Variants in GRID1 observed in about 807,000 individuals in gnomAD.
GRID1 encodes glutamate receptor ionotropic, delta-1.
Under a neutral mutation model 98.0 loss-of-function variants are expected in GRID1, and 28 were observed. The observed-to-expected ratio is 0.29, with a 90% confidence interval of 0.21 to 0.39. The LOEUF (loss-of-function observed/expected upper bound fraction) is 0.39, where lower values mean the gene tolerates loss of function less well. Ranked by LOEUF, GRID1 falls within the 10% of genes least tolerant of loss-of-function variation. The pLI, the probability that GRID1 is intolerant of heterozygous loss-of-function variation, is 1.00. For synonymous variants in GRID1, 553 were observed against 538.5 expected, an observed-to-expected ratio of 1.03 and a Z score of -0.37; for missense variants, 1,111 against 1,340.5, an observed-to-expected ratio of 0.83 and a Z score of 2.67.
chr10:85,964,641 C>A (rs1033527273), intron 4 of GRID1, among the ~76,000 whole-genome samples: 1 of 152,104 alleles, frequency 6.6e-6, no homozygotes, highest in African/African-American at 2.4e-5. Context: ...AAAATTAACT[C>A]CAGATGGATT....
At chr10:85,941,049 AT>A (rs1358890986) in intron 4 of GRID1, among the ~76,000 whole-genome samples, 2 of 152,352 alleles carry the variant, frequency 1.3e-5, no homozygotes, top group East Asian at 3.9e-4. Flanking sequence ...GGACCCACAT[AT>A]ATCAGGTGCT....
chr10:86,134,884 C>T (rs1166114151), intron 4 of GRID1, among the ~76,000 whole-genome samples: 1 of 152,176 alleles, frequency 6.6e-6, no homozygotes, highest in African/African-American at 2.4e-5. Flanking sequence ...ACACCTCTGC[C>T]ATTACAGGTA....
chr10:85,667,193 GGAAGCCC>G lies in GRID1; in HGVS notation c.1998-19803_1998-19797del, dbSNP rs1564553328. Among the ~76,000 whole-genome samples the G allele has an allele frequency of 2.0e-5, 3 of 152,158 alleles. No individual in the cohort carries two copies. The East Asian group carries it at 5.8e-4, about 29-fold the overall frequency. ...AATCTGCACCCACATCTAGCACATG[GGAAGCCC>G]GTCTATTCTTTATCTGCTCTTCTTC... On this transcript the variant is annotated intron_variant, in intron 12 of 15. Coordinates refer to ENST00000327946, the MANE Select transcript of GRID1 (RefSeq NM_017551.3).
chr10:85,979,540 T>C (rs1314088747), intron 4 of GRID1, among the ~76,000 whole-genome samples: 2 of 152,192 alleles, frequency 1.3e-5, no homozygotes, highest in African/African-American at 4.8e-5. Context: ...TCTCTCTGTA[T>C]CTTCACATCA....
chr10:86,057,073 T>C (rs752456204), intron 4 of GRID1, among the ~76,000 whole-genome samples: 16 of 152,174 alleles, frequency 1.1e-4, no homozygotes, highest in Non-Finnish European at 1.9e-4. Flanking sequence ...TAACAAGACA[T>C]GGTCCTGGCC....
chr10:86,124,518 C>T (rs919799341), intron 4 of GRID1, among the ~76,000 whole-genome samples: 1 of 152,196 alleles, frequency 6.6e-6, no homozygotes, highest in African/African-American at 2.4e-5. Flanking sequence ...ATCATTGTCC[C>T]TAACCACTGC....
chr10:86,021,604 C>T (rs1478173486), intron 4 of GRID1, among the ~76,000 whole-genome samples: 2 of 152,016 alleles, frequency 1.3e-5, no homozygotes, highest in East Asian at 3.8e-4. Context: ...CCCTCAGCCC[C>T]CACACATGCA....
At chr10:86,023,878 C>A (rs1190600318) in intron 4 of GRID1, among the ~76,000 whole-genome samples, 2 of 152,180 alleles carry the variant, frequency 1.3e-5, no homozygotes. Context: ...AAGGGCCTCA[C>A]CATGTCTCAC....
At chr10:85,812,730 TTCTC>T (rs3028889) in intron 8 of GRID1, among the ~76,000 whole-genome samples, 14 of 147,952 alleles carry the variant, frequency 9.5e-5, no homozygotes, top group African/African-American at 1.5e-4. Context: ...CAAACAGAAG[TTCTC>T]TCTCTCTCTC....
At chr10:85,921,002 C>G (rs896861097) in intron 4 of GRID1, among the ~76,000 whole-genome samples, 1 of 152,202 alleles carries the variant, frequency 6.6e-6, no homozygotes, top group Non-Finnish European at 1.5e-5. Flanking sequence ...ACCACTGGGC[C>G]CATCTGCCTG....
At chr10:85,951,902 G>A (rs958953747) in intron 4 of GRID1, among the ~76,000 whole-genome samples, 1 of 152,238 alleles carries the variant, frequency 6.6e-6, no homozygotes, top group African/African-American at 2.4e-5. Context: ...CTGTGTTCCT[G>A]GGGGTGAGGC....
intron 2 of GRID1, among the ~76,000 whole-genome samples, chr10:86,231,002 G>A (rs1234598142): frequency 2.6e-5 from 4 of 152,186 alleles, no homozygotes; most frequent in South Asian, 2.1e-4. Flanking sequence ...AGACTTTCCC[G>A]AGGACCAGGC....
chr10:85,718,829 C>T (rs1841668935), intron 12 of GRID1, among the ~76,000 whole-genome samples: 1 of 152,222 alleles, frequency 6.6e-6, no homozygotes. Context: ...TAACAGTAGG[C>T]TCCTTGCTAC....
chr10:86,045,188 A>C (rs1430822405), intron 4 of GRID1, among the ~76,000 whole-genome samples: 2 of 152,218 alleles, frequency 1.3e-5, no homozygotes, highest in Non-Finnish European at 2.9e-5. Flanking sequence ...TTCCAGTTTC[A>C]CATGAGGAAA....
chr10:85,998,883 AG>A (rs1207950082), intron 4 of GRID1, among the ~76,000 whole-genome samples: 6 of 152,248 alleles, frequency 3.9e-5, no homozygotes, highest in African/African-American at 1.4e-4. Flanking sequence ...ACTTAAACCT[AG>A]CAGCTTAGAT....
chr10:85,667,170 T>A (rs1024153466), intron 12 of GRID1, among the ~76,000 whole-genome samples: 5 of 152,148 alleles, frequency 3.3e-5, no homozygotes, highest in African/African-American at 1.2e-4. Flanking sequence ...CCAGTGTAAA[T>A]CTGCACCCAC....
At chr10:86,290,896 G>T (rs1407441743) in intron 2 of GRID1, among the ~76,000 whole-genome samples, 1 of 152,112 alleles carries the variant, frequency 6.6e-6, no homozygotes, top group Non-Finnish European at 1.5e-5. Flanking sequence ...ACCTCCTCAG[G>T]CCACAATGCA....
intron 5 of GRID1, among the ~76,000 whole-genome samples, chr10:85,896,612 A>C (rs891314768): frequency 6.6e-6 from 1 of 152,268 alleles, no homozygotes; most frequent in Admixed American, 6.5e-5. Flanking sequence ...AGTAGACGTG[A>C]TGATCAATCA....
chr10:86,364,843 G>T (rs1039966094), intron 1 of GRID1, among the ~76,000 whole-genome samples: 8 of 152,250 alleles, frequency 5.3e-5, no homozygotes, highest in African/African-American at 1.7e-4. Flanking sequence ...GCTCTTGAAG[G>T]GCTTTCTAGA....
Sources: gnomAD v4.1 joint callset for allele counts (sites outside exome capture counted in the v4.1 genomes callset) on GRCh38, gnomAD v4.1.1 for gene constraint, MANE v1.5 for transcripts, NCBI Gene and HGNC (gene_info 2026-07-23, HGNC 2026-07-21) for gene names.